CD8B: variants seen among roughly 807,000 people sequenced by gnomAD.
CD8B encodes CD8 subunit beta, also known as T-cell surface glycoprotein CD8 beta chain.
A neutral mutation model predicts 24.2 loss-of-function variants in CD8B; 6 were observed. The observed-to-expected ratio is 0.25, with a 90% CI of 0.14 to 0.49. CD8B has a LOEUF of 0.49. Among genes scored for constraint, CD8B ranks in the 20% least tolerant of loss-of-function variants. The probability of loss-of-function intolerance (pLI) is 0.98; values close to 1 mark genes in which losing one functional copy is unlikely to be tolerated. For missense variants in CD8B, 196 were observed against 271.3 expected (o/e 0.72, Z 1.95); for synonymous variants, 84 against 108.3 (o/e 0.78, Z 1.39).
In CD8B at chr2:86,840,290, G is replaced by A. The variant is rs59084423; in HGVS notation, c.*2017C>T. Among the ~76,000 whole-genome samples the A allele has an allele frequency of 0.13, 19,965 of 151,826 alleles. 1,908 individuals are homozygous for A. The highest frequency in any genetic ancestry group is 0.27 in the African/African-American group (11,165 of 41,244). On this transcript the variant is annotated 3_prime_UTR_variant, in exon 6 of 6. Coordinates refer to ENST00000390655, the MANE Select transcript of CD8B (RefSeq NM_004931.5). ...CTGACTTCTCAAAGCTGGAGCAAAC[G>A]GAAAACACCTGGGTCTGGGGGCAGG...
intron 5 of CD8B, among the ~76,000 whole-genome samples, chr2:86,827,225 G>A (rs1313297538): frequency 6.6e-6 from 1 of 151,722 alleles, no homozygotes; most frequent in Non-Finnish European, 1.5e-5. Flanking sequence ...ATTCTTGGAA[G>A]CTTGCAAGGA....
At chr2:86,826,750 C>G (rs1022875870) in intron 5 of CD8B, among the ~76,000 whole-genome samples, 1 of 151,674 alleles carries the variant, frequency 6.6e-6, no homozygotes, top group Non-Finnish European at 1.5e-5. Flanking sequence ...TTAGCAGGAT[C>G]GAAAGGGGTG....
chr2:86,846,436 G>C (rs1252171137), intron 4 of CD8B, among the ~76,000 whole-genome samples: 2 of 152,068 alleles, frequency 1.3e-5, no homozygotes, highest in Non-Finnish European at 1.5e-5. Context: ...CAGAGAGACC[G>C]GGGCACTGGA....
rs559675260 is a variant in CD8B, at chr2:86,842,201, A to G, written c.*106T>C. 1.3e-6 allele frequency: 2 copies of G among 1,481,782 alleles called. No individual in the cohort carries two copies. Among genetic ancestry groups the G allele is most frequent in the East Asian group, 2.4e-5 (1 of 41,814 alleles). 91.8% of individuals were successfully genotyped at this position (1,481,782 alleles called of 1,614,324 possible). ...TGAAAAGCAGGCAGCTTCAGCAGCC[A>G]TTGAACTCTCCAGGGTTGAATGTGT... On this transcript the variant is annotated 3_prime_UTR_variant, in exon 6 of 6. Coordinates refer to ENST00000390655, the MANE Select transcript of CD8B (RefSeq NM_004931.5).
At chr2:86,861,348 T>C (rs1219640573) in intron 1 of CD8B, among the ~76,000 whole-genome samples, 2 of 152,060 alleles carry the variant, frequency 1.3e-5, no homozygotes, top group East Asian at 1.9e-4. Context: ...CACCCTGCCC[T>C]AGCCCTCCGA....
intron 1 of CD8B, among the ~76,000 whole-genome samples, chr2:86,858,720 C>T (rs1676416936): frequency 6.8e-6 from 1 of 146,078 alleles, no homozygotes; most frequent in Non-Finnish European, 1.5e-5. Flanking sequence ...GGAACTCAAT[C>T]AAGCCTCAAA....
downstream of CD8B, among the ~76,000 whole-genome samples, chr2:86,835,817 G>T (rs1473924344): frequency 6.8e-6 from 1 of 147,870 alleles, no homozygotes; most frequent in South Asian, 2.2e-4. Context: ...GCTTGTGTTG[G>T]TATCACCCGG....
chr2:86,854,668 G>A (rs994478146), intron 2 of CD8B, among the ~76,000 whole-genome samples: 11 of 152,116 alleles, frequency 7.2e-5, no homozygotes, highest in African/African-American at 2.2e-4. Context: ...GGGGATGAAG[G>A]GGGCACTGCT....
At chr2:86,858,619 G>C (rs28661204) in intron 1 of CD8B, among the ~76,000 whole-genome samples, 50,578 of 115,928 alleles carry the variant, frequency 0.44, 12,165 homozygotes, top group African/African-American at 0.53. Flanking sequence ...ATCTGGAAGG[G>C]AGGTGTTTGC....
At chr2:86,858,532 C>T in intron 1 of CD8B, 116 bp from the exon 2 acceptor site, 2 of 1,455,672 alleles carry the variant, frequency 1.4e-6, no homozygotes, top group Non-Finnish European at 1.8e-6. Flanking sequence ...TGCCCAGTTA[C>T]TGGGTCCAGG....
chr2:86,840,779 C>T lies in CD8B; in HGVS notation c.*1528G>A, dbSNP rs1326354238. On this transcript the variant is annotated 3_prime_UTR_variant, in exon 6 of 6. Coordinates refer to ENST00000390655, the MANE Select transcript of CD8B (RefSeq NM_004931.5). The stretch of plus-strand genomic sequence containing the variant: ...CAACTTACACTCAAGGCCCTCCTTC[C>T]GGTAACACTGCATCTATGCCTTTCT... Among the ~76,000 whole-genome samples the T allele has an allele frequency of 1.3e-5, 2 of 152,242 alleles. No individual in the cohort carries two copies. The highest frequency in any genetic ancestry group is 6.5e-5 in the Admixed American group (1 of 15,290).
Position 86,841,457 on chromosome 2 carries a change from C to T in CD8B, c.*850G>A, listed in dbSNP as rs116433988. ...CTAGGACTCTCCACACCTACAACGT[C>T]GGGCAAATGAGGATCTCAGGTGCAA... On this transcript the variant is annotated 3_prime_UTR_variant, in exon 6 of 6. Coordinates refer to ENST00000390655, the MANE Select transcript of CD8B (RefSeq NM_004931.5). 1,469 of 518,030 alleles carry T rather than the reference C, an allele frequency of 2.8e-3. 21 individuals are homozygous for T. Among genetic ancestry groups the T allele is most frequent in the African/African-American group, 0.028 (1,322 of 47,700 alleles). 32.1% of individuals were successfully genotyped at this position (518,030 alleles called of 1,614,324 possible).
intron 3 of CD8B, among the ~76,000 whole-genome samples, chr2:86,847,101 T>C (rs1304338396): frequency 6.6e-6 from 1 of 151,806 alleles, no homozygotes; most frequent in African/African-American, 2.4e-5. Flanking sequence ...CATGCCTGGC[T>C]AATTTTTGTA....
At chr2:86,860,728 C>T (rs928670417) in intron 1 of CD8B, among the ~76,000 whole-genome samples, 7 of 152,312 alleles carry the variant, frequency 4.6e-5, no homozygotes, top group Non-Finnish European at 1.0e-4. Context: ...AGTGGGGCTG[C>T]AAGTACACAG....
At chr2:86,835,055 C>G (rs558307062), downstream of CD8B, among the ~76,000 whole-genome samples, 356 of 152,168 alleles carry the variant, frequency 2.3e-3, no homozygotes, top group African/African-American at 7.9e-3. Context: ...AAAAGGCCGA[C>G]AGTATTACTC....
chr2:86,834,017 T>TTA (rs1675066533), downstream of CD8B, among the ~76,000 whole-genome samples: 5 of 152,210 alleles, frequency 3.3e-5, no homozygotes, highest in South Asian at 2.1e-4. Flanking sequence ...GACAGCAACT[T>TTA]ATTAAATGAT....
At chr2:86,820,666 G>T (rs1306400807) in intron 5 of CD8B, among the ~76,000 whole-genome samples, 1 of 152,136 alleles carries the variant, frequency 6.6e-6, no homozygotes, top group Non-Finnish European at 1.5e-5. Flanking sequence ...CTTTATTGTG[G>T]TGGTCTGGAA....
chr2:86,855,993 C>A (rs947671790), intron 2 of CD8B, among the ~76,000 whole-genome samples: 51 of 152,236 alleles, frequency 3.4e-4, no homozygotes, highest in African/African-American at 8.7e-4. Context: ...AAACTTCGAG[C>A]CCATGATATA....
intron 4 of CD8B, 53 bp downstream of exon 4, chr2:86,846,631 A>T: frequency 1.2e-6 from 1 of 804,518 alleles, no homozygotes; most frequent in South Asian, 1.7e-5. Context: ...TATCCCAGGG[A>T]CACTTCAAAC....
Sources: allele counts gnomAD v4.1 joint callset (sites outside exome capture counted in the v4.1 genomes callset), GRCh38; gene constraint gnomAD v4.1.1; transcripts MANE v1.5; gene names NCBI Gene and HGNC (gene_info 2026-07-23, HGNC 2026-07-21).